HDAC4: variants seen among roughly 807,000 people sequenced by gnomAD.
HDAC4 encodes histone deacetylase 4.
A neutral mutation model predicts 135.1 loss-of-function variants in HDAC4; 16 were observed. The observed-to-expected ratio is 0.12, with a 90% confidence interval of 0.08 to 0.18. The LOEUF (loss-of-function observed/expected upper bound fraction) is 0.18. Ranked by LOEUF, HDAC4 falls within the 10% of genes least tolerant of loss-of-function variation. The pLI is 1.00. For missense variants in HDAC4, 1,143 were observed against 1,511.8 expected (o/e 0.76, Z 4.05); for synonymous variants, 685 against 653.4 (o/e 1.05, Z -0.74).
intron 5 of HDAC4, among the ~76,000 whole-genome samples, chr2:239,175,632 C>G (rs2043716985): frequency 6.6e-6 from 1 of 152,224 alleles, no homozygotes; most frequent in Non-Finnish European, 1.5e-5. Context: ...ATAGCAAGAG[C>G]ACGCTGCTGG....
intron 16 of HDAC4, among the ~76,000 whole-genome samples, chr2:239,096,317 A>T (rs1386539834): frequency 6.6e-6 from 1 of 151,172 alleles, no homozygotes; most frequent in African/African-American, 2.4e-5. Flanking sequence ...GCCTTAGCCC[A>T]CGGATGCCCG....
intron 20 of HDAC4, 137 bp downstream of exon 20, chr2:239,084,018 C>G: frequency 1.4e-6 from 1 of 715,498 alleles, no homozygotes; most frequent in Non-Finnish European, 2.5e-6. Flanking sequence ...CTTTACTTCT[C>G]CGCATCTTTG....
rs1444537082 is a variant in HDAC4, at chr2:239,309,447, C to T, written c.22+43231G>A. On this transcript the variant is annotated intron_variant, in intron 2 of 26. Transcript: ENST00000543185. The surrounding 1 kb of genome is among the most constrained non-coding windows in gnomAD (Gnocchi z 4.2). ...AGCAAATGCCCAAGGAAGCAAGAAG[C>T]GGGACCCCGCCTTCTCAGCCACCTC... 1.3e-5 allele frequency among the ~76,000 whole-genome samples: 2 copies of T among 152,234 alleles called. No individual in the cohort carries two copies. The highest frequency in any genetic ancestry group is 2.9e-5 in the Non-Finnish European group (2 of 68,030).
At chr2:239,150,222 G>A (rs1202212975) in intron 7 of HDAC4, among the ~76,000 whole-genome samples, 1 of 151,560 alleles carries the variant, frequency 6.6e-6, no homozygotes, top group Non-Finnish European at 1.5e-5. Flanking sequence ...CAGACACACA[G>A]ATACACACAC....
intron 21 of HDAC4, among the ~76,000 whole-genome samples, chr2:239,081,506 A>G (rs949462345): frequency 9.9e-5 from 15 of 152,186 alleles, no homozygotes; most frequent in Non-Finnish European, 1.9e-4. Context: ...GCCGTGTGTT[A>G]CATCAGGGAA....
chr2:239,143,260 TA>T (rs3838512), intron 8 of HDAC4, among the ~76,000 whole-genome samples: 1 of 149,892 alleles, frequency 6.7e-6, no homozygotes, highest in African/African-American at 2.5e-5. Flanking sequence ...CTGCACACTT[TA>T]AAAAAAAAAC....
chr2:239,095,899 C>T (rs977817571), intron 16 of HDAC4, among the ~76,000 whole-genome samples: 2 of 152,318 alleles, frequency 1.3e-5, no homozygotes, highest in Non-Finnish European at 1.5e-5. Context: ...CAGCCCCCGG[C>T]CCCTTCCTGG....
At chr2:239,312,877 T>C (rs2052950762) in intron 2 of HDAC4, among the ~76,000 whole-genome samples, 1 of 152,184 alleles carries the variant, frequency 6.6e-6, no homozygotes, top group African/African-American at 2.4e-5. Context: ...AGTGTCTTCA[T>C]CTGCAGAGGG....
chr2:239,262,687 G>A lies in HDAC4; in HGVS notation c.23-26023C>T, dbSNP rs558166152. Reference sequence around the variant, plus strand: ...GCAGGGGTGGGCAGGCACCACAAGCGGGACACCCCCAAGGGTGCACACGGC... The same window carrying A: ...GCAGGGGTGGGCAGGCACCACAAGCAGGACACCCCCAAGGGTGCACACGGC... On this transcript the variant is annotated intron_variant, in intron 2 of 26. Coordinates refer to ENST00000543185, the MANE Select transcript of HDAC4 (RefSeq NM_001378414.1). This position sits in a 1 kb window ranked among gnomAD's most constrained non-coding sequence, Gnocchi z 4.1. 5.3e-5 allele frequency among the ~76,000 whole-genome samples: 8 copies of A among 152,282 alleles called. No homozygotes were observed. Among genetic ancestry groups the A allele is most frequent in the Admixed American group, 2.0e-4 (3 of 15,306 alleles).
chr2:239,090,431 CTTTT>C lies in HDAC4; in HGVS notation c.2281-319_2281-316del, dbSNP rs76486832. The stretch of plus-strand genomic sequence containing the variant: ...TAATGATGTCAAGGTGATCTATTTC[CTTTT>C]TTTTTTTTTTTTTTTTAACTGGAAC... On this transcript the variant is annotated intron_variant, in intron 17 of 26. Transcript: ENST00000543185. Among the ~76,000 whole-genome samples the C allele has an allele frequency of 2.6e-3, 348 of 132,578 alleles. 2 individuals carry two copies. The highest frequency in any genetic ancestry group is 8.7e-3 in the African/African-American group (310 of 35,646). 87.0% of individuals were successfully genotyped at this position (132,578 alleles called of 152,430 possible). A position where few individuals can be genotyped will look rare whatever the true frequency, so the allele number is the denominator to read the frequency against.
At chr2:239,378,258 A>C (rs1314133598) in intron 1 of HDAC4, among the ~76,000 whole-genome samples, 1 of 152,072 alleles carries the variant, frequency 6.6e-6, no homozygotes, top group Admixed American at 6.5e-5. Context: ...GGAGACGAGC[A>C]CCCAGGCACA....
intron 2 of HDAC4, among the ~76,000 whole-genome samples, chr2:239,335,114 C>T (rs1248818263): frequency 6.6e-6 from 1 of 151,452 alleles, no homozygotes; most frequent in Non-Finnish European, 1.5e-5. Flanking sequence ...AGTTGGAAGA[C>T]CTACATTATT....
intron 1 of HDAC4, among the ~76,000 whole-genome samples, chr2:239,358,692 G>A (rs1693672924): frequency 1.3e-5 from 2 of 152,142 alleles, no homozygotes; most frequent in South Asian, 4.1e-4. Context: ...AACATCACAA[G>A]GTGTATTTTA....
At chr2:239,179,020 C>T (rs867802930) in intron 4 of HDAC4, among the ~76,000 whole-genome samples, 8 of 151,642 alleles carry the variant, frequency 5.3e-5, no homozygotes, top group Non-Finnish European at 7.4e-5. Context: ...GGTGTGTGTG[C>T]GAGGCAGCCA....
intron 2 of HDAC4, among the ~76,000 whole-genome samples, chr2:239,254,774 C>T (rs1056218402): frequency 6.6e-6 from 1 of 152,088 alleles, no homozygotes; most frequent in African/African-American, 2.4e-5. Context: ...CATAACAGTC[C>T]TTAGATTTAA....
In HDAC4 at chr2:239,139,152, G is replaced by A. The variant is rs1008238950; in HGVS notation, c.978+532C>T. The stretch of plus-strand genomic sequence containing the variant: ...AGTTCCCCGCTCTGTGGCTTTGGCC[G>A]GCCCTGCCATGCTGACCACGGGTGA... On this transcript the variant is annotated intron_variant, in intron 9 of 26. Coordinates refer to ENST00000543185, the MANE Select transcript of HDAC4 (RefSeq NM_001378414.1). This position sits in a 1 kb window ranked among gnomAD's most constrained non-coding sequence, Gnocchi z 5.3. Among the ~76,000 whole-genome samples the A allele has an allele frequency of 6.6e-6, 1 of 152,248 alleles. No individual in the cohort carries two copies. The highest frequency in any genetic ancestry group is 2.4e-5 in the African/African-American group (1 of 41,468).
chr2:239,375,303 G>A (rs1393376247), intron 1 of HDAC4, among the ~76,000 whole-genome samples: 1 of 151,820 alleles, frequency 6.6e-6, no homozygotes, highest in African/African-American at 2.4e-5. Flanking sequence ...GCAGGCCTGC[G>A]GACTCCGCCC....
Position 239,081,200 on chromosome 2 carries a change from CAGA to C in HDAC4, c.2653-11_2653-9del, listed in dbSNP as rs755484257. 5.6e-6 allele frequency: 9 copies of C among 1,610,940 alleles called. No individual in the cohort carries two copies. The highest frequency in any genetic ancestry group is 1.7e-5 in the Admixed American group (1 of 59,814). ...GCCGGGCCCTGTGCCCACCTGTGGC[CAGA>C]AGGAGAGAAACACACGTCATGGACC... On this transcript the variant is annotated splice_polypyrimidine_tract_variant and intron_variant, in intron 21 of 26. Coordinates refer to ENST00000543185, the MANE Select transcript of HDAC4 (RefSeq NM_001378414.1).
chr2:239,165,596 A>G (rs79683313), intron 5 of HDAC4, among the ~76,000 whole-genome samples: 6 of 152,060 alleles, frequency 3.9e-5, no homozygotes, highest in Admixed American at 1.3e-4. Context: ...TCGGCCTCGC[A>G]TGAGAGCTAT....
Sources: allele counts gnomAD v4.1 joint callset (sites outside exome capture counted in the v4.1 genomes callset), GRCh38; gene constraint gnomAD v4.1.1; non-coding constraint Gnocchi (gnomAD v3.1); transcripts MANE v1.5; gene names NCBI Gene and HGNC (gene_info 2026-07-23, HGNC 2026-07-21).